The following PSTPIP2 variants were observed in gnomAD, a reference collection of about 807,000 sequenced individuals.
The protein encoded by PSTPIP2 is proline-serine-threonine phosphatase interacting protein 2.
A neutral mutation model predicts 63.3 loss-of-function variants in PSTPIP2; 33 were observed. That is an observed-to-expected ratio of 0.52 (90% confidence interval 0.40 to 0.70). The LOEUF is 0.70. Ranked by LOEUF, PSTPIP2 falls within the 30% of genes least tolerant of loss-of-function variation. The pLI is 0.00. For synonymous variants in PSTPIP2, 125 were observed against 132.7 expected (o/e 0.94, Z 0.40); for missense variants, 312 against 400.7 (o/e 0.78, Z 1.89).
chr18:46,072,082 C>G lies in PSTPIP2; in HGVS notation c.33+74G>C, dbSNP rs1021476556. On this transcript the variant is annotated intron_variant, in intron 1 of 14. Transcript: ENST00000409746. Reference sequence around the variant, plus strand: ...GTGGCGCCGGAGCTGGGGAGCCCCCCACGCCCGCCGCGTTGGCCTCCCGCC... The same window carrying G: ...GTGGCGCCGGAGCTGGGGAGCCCCCGACGCCCGCCGCGTTGGCCTCCCGCC... The G allele has an allele frequency of 2.7e-5, 41 of 1,497,428 alleles. 1 individual carries two copies. The Admixed American group carries it at 8.1e-4, about 29-fold the overall frequency. 92.8% of individuals were successfully genotyped at this position (1,497,428 alleles called of 1,614,324 possible). A position where few individuals can be genotyped will look rare whatever the true frequency, so the allele number is the denominator to read the frequency against.
intron 1 of PSTPIP2, among the ~76,000 whole-genome samples, chr18:46,065,041 G>T (rs1343832752): frequency 6.6e-6 from 1 of 150,948 alleles, no homozygotes; most frequent in Non-Finnish European, 1.5e-5. Flanking sequence ...CTACTTGGGA[G>T]GCTGAGGCAG....
chr18:46,019,057 C>T (rs1181353394), intron 3 of PSTPIP2, among the ~76,000 whole-genome samples: 1 of 152,040 alleles, frequency 6.6e-6, no homozygotes, highest in Non-Finnish European at 1.5e-5. Flanking sequence ...CCCCAACCTA[C>T]ACTTCCTTAA....
intron 9 of PSTPIP2, among the ~76,000 whole-genome samples, chr18:45,995,366 G>A (rs905898828): frequency 3.9e-5 from 6 of 152,154 alleles, no homozygotes; most frequent in African/African-American, 1.4e-4. Context: ...GCCTCTGAAA[G>A]TGCTGGGATT....
intron 4 of PSTPIP2, among the ~76,000 whole-genome samples, chr18:46,012,006 A>G (rs983677010): frequency 2.6e-5 from 4 of 152,210 alleles, no homozygotes; most frequent in Non-Finnish European, 5.9e-5. Context: ...TGCAATTTAT[A>G]TAACAAAGAG....
intron 3 of PSTPIP2, among the ~76,000 whole-genome samples, chr18:46,021,686 C>G (rs1423919798): frequency 6.6e-6 from 1 of 151,316 alleles, no homozygotes; most frequent in Non-Finnish European, 1.5e-5. Context: ...TGGCTCATGC[C>G]TGTAATCCCA....
At chr18:46,007,590 A>G (rs1041640128) in intron 5 of PSTPIP2, among the ~76,000 whole-genome samples, 3 of 152,242 alleles carry the variant, frequency 2.0e-5, no homozygotes, top group African/African-American at 7.2e-5. Context: ...ATCAGTTAGC[A>G]ACGTTGGTCT....
intron 10 of PSTPIP2, among the ~76,000 whole-genome samples, chr18:45,993,136 C>T (rs112035740): frequency 3.1e-4 from 47 of 152,234 alleles, no homozygotes; most frequent in African/African-American, 9.9e-4. Flanking sequence ...ACTGTGTCGC[C>T]GAGGCTGGAG....
chr18:46,015,671 A>G (rs542428840), intron 4 of PSTPIP2, among the ~76,000 whole-genome samples: 1 of 152,110 alleles, frequency 6.6e-6, no homozygotes, highest in Non-Finnish European at 1.5e-5. Flanking sequence ...TCTGATGCTC[A>G]TGCAAGTGTG....
chr18:46,071,967 C>T (rs1909410051), intron 1 of PSTPIP2, among the ~76,000 whole-genome samples, 189 bp downstream of exon 1: 1 of 152,178 alleles, frequency 6.6e-6, no homozygotes, highest in Non-Finnish European at 1.5e-5. Context: ...GCCCGGCGTC[C>T]GCTCCAAGTC....
intron 4 of PSTPIP2, among the ~76,000 whole-genome samples, chr18:46,015,026 A>G (rs1277012443): frequency 6.6e-6 from 1 of 152,188 alleles, no homozygotes; most frequent in Non-Finnish European, 1.5e-5. Context: ...AGAAGCAGGA[A>G]GAATCCAAGG....
intron 1 of PSTPIP2, among the ~76,000 whole-genome samples, chr18:46,053,584 A>G (rs1203141714): frequency 3.3e-5 from 5 of 152,236 alleles, no homozygotes; most frequent in African/African-American, 9.6e-5. Flanking sequence ...AATGACATTC[A>G]ATTCAGCCAG....
intron 1 of PSTPIP2, among the ~76,000 whole-genome samples, chr18:46,070,670 T>G (rs1030058233): frequency 2.6e-5 from 4 of 152,016 alleles, no homozygotes; most frequent in Admixed American, 1.3e-4. Context: ...TGCACCACCA[T>G]GCCCAGCTAA....
In PSTPIP2 at chr18:46,022,203, A is replaced by G. The variant is rs146519034; in HGVS notation, c.212+2406T>C. On this transcript the variant is annotated intron_variant, in intron 3 of 14. Coordinates refer to ENST00000409746, the MANE Select transcript of PSTPIP2 (RefSeq NM_024430.4). ...GATTTTTAGGTTTATATAACTATTA[A>G]TATTTTCAATATCTCCCAATGTTTT... 6.3e-3 allele frequency among the ~76,000 whole-genome samples: 957 copies of G among 152,300 alleles called. 4 individuals are homozygous for G. Among genetic ancestry groups the G allele is most frequent in the Non-Finnish European group, 0.011 (751 of 68,026 alleles).
intron 14 of PSTPIP2, among the ~76,000 whole-genome samples, chr18:45,986,059 G>A (rs2051463705): frequency 6.6e-6 from 1 of 152,122 alleles, no homozygotes; most frequent in Non-Finnish European, 1.5e-5. Context: ...TTACAGGCAT[G>A]AGCCACCGTA....
chr18:45,992,425 G>C (rs143563394), intron 10 of PSTPIP2, among the ~76,000 whole-genome samples: 6,618 of 151,904 alleles, frequency 0.044, 194 homozygotes, highest in African/African-American at 0.088. Flanking sequence ...AGCCAGGCAT[G>C]GTGGCAGGCG....
At chr18:46,032,104 G>A (rs1304008463) in intron 2 of PSTPIP2, among the ~76,000 whole-genome samples, 1 of 152,094 alleles carries the variant, frequency 6.6e-6, no homozygotes, top group Non-Finnish European at 1.5e-5. Context: ...CTACCTATCT[G>A]AATTTTTCTG....
intron 3 of PSTPIP2, 68 bp from the exon 4 acceptor site, chr18:46,016,005 T>C: frequency 6.6e-7 from 1 of 1,525,550 alleles, no homozygotes. Context: ...TTATAATGCC[T>C]TTGCATGCTT....
At chr18:46,024,559 C>G in intron 3 of PSTPIP2, 50 bp downstream of exon 3, 2 of 1,479,674 alleles carry the variant, frequency 1.4e-6, no homozygotes, top group East Asian at 4.5e-5. Flanking sequence ...CGAGGGAGCT[C>G]CCAGGCATTA....
chr18:46,003,859 C>T (rs1020689780), intron 6 of PSTPIP2, among the ~76,000 whole-genome samples: 4 of 151,216 alleles, frequency 2.6e-5, no homozygotes, highest in African/African-American at 4.9e-5. Context: ...TGGGTTCAAG[C>T]GATTCTCCTG....
Sources: allele counts gnomAD v4.1 joint callset (sites outside exome capture counted in the v4.1 genomes callset), GRCh38; gene constraint gnomAD v4.1.1; transcripts MANE v1.5; gene names NCBI Gene and HGNC (gene_info 2026-07-23, HGNC 2026-07-21).